DAB1: variants seen among roughly 807,000 people sequenced by gnomAD.
The protein encoded by DAB1 is DAB adaptor protein 1, also known as disabled homolog 1.
A neutral mutation model predicts 64.6 loss-of-function variants in DAB1; 15 were observed. The observed-to-expected ratio is 0.23, with a 90% CI of 0.16 to 0.36. The LOEUF (loss-of-function observed/expected upper bound fraction) is 0.36, where lower values mean the gene tolerates loss of function less well. Ranked by LOEUF, DAB1 falls within the 10% of genes least tolerant of loss-of-function variation. DAB1 has a pLI of 1.00. For missense variants in DAB1, 596 were observed against 706.7 expected (o/e 0.84, Z 1.78); for synonymous variants, 235 against 251.9 (o/e 0.93, Z 0.64).
chr1:58,535,204 T>C, intron 1 of DAB1, among the ~76,000 whole-genome samples: 1 of 152,210 alleles, frequency 6.6e-6, no homozygotes, highest in East Asian at 1.9e-4. Flanking sequence ...AGATACTTTT[T>C]CTGAAGTTAT....
intron 1 of DAB1, among the ~76,000 whole-genome samples, chr1:57,350,465 T>C (rs1678493190): frequency 6.6e-6 from 1 of 152,164 alleles, no homozygotes. Context: ...ATGGTAAATG[T>C]TTAGTGACAG....
At chr1:57,966,099 G>T (rs1645658786) in intron 5 of DAB1, among the ~76,000 whole-genome samples, 1 of 152,144 alleles carries the variant, frequency 6.6e-6, no homozygotes, top group African/African-American at 2.4e-5. Context: ...CATACAAAAT[G>T]CAGCAGTGTT....
At chr1:58,287,421 T>C (rs1374600692) in intron 4 of DAB1, among the ~76,000 whole-genome samples, 1 of 152,160 alleles carries the variant, frequency 6.6e-6, no homozygotes, top group Non-Finnish European at 1.5e-5. Context: ...TTTAGTTGGG[T>C]GTCTCATGTG....
chr1:58,100,476 T>A (rs1410445224), intron 5 of DAB1, among the ~76,000 whole-genome samples: 1 of 152,188 alleles, frequency 6.6e-6, no homozygotes, highest in Non-Finnish European at 1.5e-5. Flanking sequence ...TGATGGCTAT[T>A]TGGGATATTT....
intron 6 of DAB1, among the ~76,000 whole-genome samples, chr1:57,803,095 T>C (rs1256076529): frequency 1.3e-5 from 2 of 152,156 alleles, no homozygotes; most frequent in African/African-American, 4.8e-5. Context: ...TGGTAACTTG[T>C]CCTTCCTTGA....
intron 1 of DAB1, among the ~76,000 whole-genome samples, chr1:57,307,519 C>A (rs1674290780): frequency 6.6e-6 from 1 of 152,004 alleles, no homozygotes; most frequent in African/African-American, 2.4e-5. Context: ...CCTCCCAGAC[C>A]ACACCTCCTT....
chr1:57,364,949 A>G (rs1679856316), intron 1 of DAB1, among the ~76,000 whole-genome samples: 1 of 149,234 alleles, frequency 6.7e-6, no homozygotes, highest in East Asian at 2.0e-4. Context: ...GGATGCTATG[A>G]AGGAAAGGCC....
At chr1:58,492,497 A>G (rs1031281915) in intron 3 of DAB1, among the ~76,000 whole-genome samples, 9 of 152,222 alleles carry the variant, frequency 5.9e-5, no homozygotes, top group African/African-American at 2.2e-4. Context: ...TGAAAAGATC[A>G]ACAAAATTGA....
At chr1:58,240,326 C>A (rs1269253526) in intron 4 of DAB1, among the ~76,000 whole-genome samples, 1 of 152,276 alleles carries the variant, frequency 6.6e-6, no homozygotes, top group South Asian at 2.1e-4. Flanking sequence ...AATGGGCAGG[C>A]CTTCTCCTGA....
At chr1:58,099,117 G>A (rs1381873765) in intron 5 of DAB1, among the ~76,000 whole-genome samples, 1 of 152,200 alleles carries the variant, frequency 6.6e-6, no homozygotes. Flanking sequence ...CTTGTCCACA[G>A]CTGTGATCTC....
intron 3 of DAB1, among the ~76,000 whole-genome samples, chr1:58,493,626 GACAA>G (rs1483874639): frequency 1.3e-5 from 2 of 151,408 alleles, no homozygotes; most frequent in Non-Finnish European, 2.9e-5. Context: ...ACCAATAACA[GACAA>G]ACAGAGAGCC....
At chr1:57,723,756 C>T in intron 6 of DAB1, among the ~76,000 whole-genome samples, 1 of 152,156 alleles carries the variant, frequency 6.6e-6, no homozygotes, top group East Asian at 1.9e-4. Flanking sequence ...GGAGGATAAA[C>T]CCACATGGCT....
chr1:57,688,317 C>T (rs1646725176), intron 6 of DAB1, among the ~76,000 whole-genome samples: 1 of 152,096 alleles, frequency 6.6e-6, no homozygotes, highest in Admixed American at 6.6e-5. Flanking sequence ...TAAAAAAATG[C>T]TCATCATCAC....
intron 1 of DAB1, among the ~76,000 whole-genome samples, chr1:57,414,342 G>A (rs1684336937): frequency 6.6e-6 from 1 of 152,200 alleles, no homozygotes; most frequent in Non-Finnish European, 1.5e-5. Context: ...CACCAACATT[G>A]AGGTAAAACC....
At chr1:57,432,326 C>T (rs993234128) in intron 7 of DAB1, among the ~76,000 whole-genome samples, 36 of 152,068 alleles carry the variant, frequency 2.4e-4, no homozygotes, top group African/African-American at 8.2e-4. Context: ...CAGTCCTCTA[C>T]CTGGTAATTT....
intron 1 of DAB1, among the ~76,000 whole-genome samples, chr1:57,330,632 C>T (rs533665716): frequency 1.1e-4 from 16 of 152,244 alleles, no homozygotes; most frequent in South Asian, 4.1e-4. Flanking sequence ...ATCTGGCAAA[C>T]GAGAAAACAG....
At chr1:58,196,940 A>G (rs1164317818) in intron 4 of DAB1, among the ~76,000 whole-genome samples, 3 of 152,242 alleles carry the variant, frequency 2.0e-5, no homozygotes, top group African/African-American at 7.2e-5. Context: ...TACATGTTTC[A>G]GCTTCCCTTT....
intron 4 of DAB1, among the ~76,000 whole-genome samples, chr1:58,341,739 A>G (rs1643936529): frequency 6.6e-6 from 1 of 152,144 alleles, no homozygotes; most frequent in Non-Finnish European, 1.5e-5. Context: ...ACTGGAAAGG[A>G]CTTAGAATTA....
intron 4 of DAB1, among the ~76,000 whole-genome samples, chr1:57,073,206 C>T (rs962290763): frequency 9.2e-5 from 14 of 152,154 alleles, no homozygotes; most frequent in Non-Finnish European, 2.1e-4. Flanking sequence ...CTCCAATGTT[C>T]GTGCCTGGAA....
Sources: allele counts gnomAD v4.1 joint callset (sites outside exome capture counted in the v4.1 genomes callset), GRCh38; gene constraint gnomAD v4.1.1; transcripts MANE v1.5; gene names NCBI Gene and HGNC (gene_info 2026-07-23, HGNC 2026-07-21).